MYPN: variants seen among roughly 807,000 people sequenced by gnomAD.
MYPN encodes the protein myopalladin, also known as sarcomeric protein myopalladin, 145 kDa (MYOP).
Under a neutral mutation model 129.4 loss-of-function variants are expected in MYPN, and 63 were observed. The ratio of observed to expected loss-of-function variants is 0.49; its 90% CI spans 0.40 to 0.60. The LOEUF is 0.60. Among genes scored for constraint, MYPN ranks in the 20% least tolerant of loss-of-function variants. MYPN has a pLI of 0.00. For synonymous variants in MYPN, 629 were observed against 600.9 expected, an observed-to-expected ratio of 1.05 and a Z score of -0.68; for missense variants, 1,596 against 1,635.4, an observed-to-expected ratio of 0.98 and a Z score of 0.42.
intron 2 of MYPN, chr10:68,136,587 A>G (rs1441234893): frequency 6.7e-7 from 1 of 1,498,476 alleles, no homozygotes; most frequent in Non-Finnish European, 8.9e-7. Flanking sequence ...ACGGTTACCG[A>G]TTGTTTTTTT....
chr10:68,205,784 G>A (rs1247779675), intron 18 of MYPN, among the ~76,000 whole-genome samples: 1 of 152,118 alleles, frequency 6.6e-6, no homozygotes, highest in Non-Finnish European at 1.5e-5. Flanking sequence ...ATTCGTAAGT[G>A]TTTACTAAAG....
chr10:68,121,690 T>A lies in MYPN; in HGVS notation c.252T>A (p.Asn84Lys). 4.3e-6 allele frequency: 7 copies of A among 1,614,186 alleles called. No homozygotes were observed. Among genetic ancestry groups the A allele is most frequent in the Non-Finnish European group, 5.9e-6 (7 of 1,180,034 alleles). The stretch of plus-strand genomic sequence containing the variant: ...TCAATTTGGCAAGACTGGCCATCAA[T>A]TACGACCCTTTGGAGAAGGCAGATG... ...ESVNLARLAINYDPLEKADET... is the reference protein window; with the variant it reads ...ESVNLARLAIKYDPLEKADET... The change falls in exon 2 of 20, where the codon AAT (asparagine) becomes AAA (lysine). Residue 84 changes from asparagine (N) to lysine (K), a missense_variant. Physicochemically the swap from Asn to Lys is moderately conservative, Grantham distance 94 (BLOSUM62 0). Transcript: ENST00000358913.
chr10:68,144,129 C>T (rs2042623518), intron 3 of MYPN, among the ~76,000 whole-genome samples: 2 of 152,078 alleles, frequency 1.3e-5, no homozygotes, highest in Admixed American at 6.6e-5. Context: ...GCATGGGTAC[C>T]ATCTGGGAAC....
At chr10:68,154,485 A>G (rs1227443727) in intron 6 of MYPN, among the ~76,000 whole-genome samples, 1 of 152,232 alleles carries the variant, frequency 6.6e-6, no homozygotes, top group East Asian at 1.9e-4. Context: ...TCTGGAGTTC[A>G]TGGGCCCCTC....
chr10:68,161,677 T>A (rs2042978933), intron 7 of MYPN, 52 bp from the exon 8 acceptor site: 2 of 1,455,196 alleles, frequency 1.4e-6, no homozygotes, highest in Admixed American at 3.4e-5. Flanking sequence ...GATGAACATG[T>A]AGTTTCTCAG....
intron 1 of MYPN, among the ~76,000 whole-genome samples, chr10:68,118,164 T>G (rs181976321): frequency 6.6e-6 from 1 of 152,284 alleles, no homozygotes; most frequent in Non-Finnish European, 1.5e-5. Flanking sequence ...AAAAAACTTA[T>G]CTAAGAATTT....
rs139183455 is a variant in MYPN at position 68,111,620 on chromosome 10, G to A, written c.-2+1897G>A. Among the ~76,000 whole-genome samples, 552 of 152,262 alleles carry A rather than the reference G, an allele frequency of 3.6e-3. 3 individuals are homozygous for A. The highest frequency in any genetic ancestry group is 0.014 in the Middle Eastern group (4 of 294). On this transcript the variant is annotated intron_variant, in intron 1 of 19. Coordinates refer to ENST00000358913, the MANE Select transcript of MYPN (RefSeq NM_032578.4). ...GGAACAACTTAGGTAGAGACTAAAT[G>A]GTCTGTTTAGAAATTTAAGAACAAT...
upstream of MYPN, among the ~76,000 whole-genome samples, chr10:68,105,737 A>T (rs1264676453): frequency 6.6e-6 from 1 of 152,196 alleles, no homozygotes; most frequent in Non-Finnish European, 1.5e-5. Context: ...TTTCGTATTT[A>T]CCTTAATAAA....
chr10:68,198,768 A>C (rs1436828725), intron 16 of MYPN, among the ~76,000 whole-genome samples: 1 of 152,176 alleles, frequency 6.6e-6, no homozygotes, highest in Non-Finnish European at 1.5e-5. Context: ...ACACAGGAAC[A>C]GAAAACCAAA....
chr10:68,119,389 A>ATTTT (rs1216654452), intron 1 of MYPN, among the ~76,000 whole-genome samples: 8 of 52,366 alleles, frequency 1.5e-4, no homozygotes, highest in Non-Finnish European at 2.0e-4. Flanking sequence ...ATTTTATTTT[A>ATTTT]TTTATTTATT....
chr10:68,136,472 A>G lies in MYPN; in HGVS notation c.903-6468A>G, dbSNP rs369342870. 67 of 1,130,120 alleles carry G rather than the reference A, an allele frequency of 5.9e-5. No individual in the cohort carries two copies. The African/African-American group carries it at 9.8e-4, about 16-fold the overall frequency. 70.0% of individuals were successfully genotyped at this position (1,130,120 alleles called of 1,614,324 possible). A position where few individuals can be genotyped will look rare whatever the true frequency, so the allele number is the denominator to read the frequency against. On this transcript the variant is annotated intron_variant, in intron 2 of 19. Coordinates refer to ENST00000358913, the MANE Select transcript of MYPN (RefSeq NM_032578.4). ...AGGTTTGAGAGTATGGTTCCCCCTG[A>G]CCCTCAAAAGTCTTCAGCATAGCAG...
intron 12 of MYPN, among the ~76,000 whole-genome samples, chr10:68,184,569 C>A (rs994812369): frequency 4.6e-5 from 7 of 152,170 alleles, no homozygotes; most frequent in Non-Finnish European, 8.8e-5. Flanking sequence ...GCTGGAATTA[C>A]AGGCACACGC....
intron 17 of MYPN, among the ~76,000 whole-genome samples, chr10:68,200,670 A>G (rs1043635399): frequency 3.6e-4 from 54 of 152,078 alleles, no homozygotes; most frequent in African/African-American, 1.3e-3. Context: ...AGGCAGGAGA[A>G]TCGCTTGAAC....
chr10:68,168,551 G>T (rs1361131248), intron 10 of MYPN, among the ~76,000 whole-genome samples: 1 of 152,150 alleles, frequency 6.6e-6, no homozygotes, highest in East Asian at 1.9e-4. Flanking sequence ...GGTTTTATGC[G>T]TTTCAGGAAG....
chr10:68,189,649 C>T (rs942548038), intron 13 of MYPN, among the ~76,000 whole-genome samples: 1 of 152,204 alleles, frequency 6.6e-6, no homozygotes, highest in African/African-American at 2.4e-5. Flanking sequence ...CTTCACTTAA[C>T]ATAACGACTT....
chr10:68,089,295 G>A (rs1333188635), intron 1 of MYPN, among the ~76,000 whole-genome samples: 1 of 152,116 alleles, frequency 6.6e-6, no homozygotes, highest in African/African-American at 2.4e-5. Context: ...GCCTCCCAAA[G>A]TGCTGGCATT....
At chr10:68,174,783 G>A in intron 11 of MYPN, 127 bp downstream of exon 11, 6 of 834,568 alleles carry the variant, frequency 7.2e-6, no homozygotes, top group Middle Eastern at 2.6e-4. Flanking sequence ...CTTAGGCACA[G>A]AATGGATGTG....
chr10:68,145,592 A>T (rs922305173), intron 4 of MYPN, 66 bp downstream of exon 4: 1 of 1,356,084 alleles, frequency 7.4e-7, no homozygotes, highest in Non-Finnish European at 1.1e-6. Context: ...AAAGAGAATG[A>T]TTAATTGGTT....
intron 2 of MYPN, chr10:68,136,831 C>A: frequency 7.7e-7 from 1 of 1,290,944 alleles, no homozygotes; most frequent in Non-Finnish European, 1.1e-6. Context: ...TTTGTTTTAT[C>A]AAGTTAATAG....
Sources: allele counts gnomAD v4.1 joint callset (sites outside exome capture counted in the v4.1 genomes callset), GRCh38; gene constraint gnomAD v4.1.1; transcripts MANE v1.5; gene names NCBI Gene and HGNC (gene_info 2026-07-23, HGNC 2026-07-21).